The following RUNX1 variants were observed in gnomAD, a reference collection of about 807,000 sequenced individuals.
The protein encoded by RUNX1 is RUNX family transcription factor 1.
Under a neutral mutation model 42.8 loss-of-function variants are expected in RUNX1, and 19 were observed. The observed-to-expected ratio is 0.44, with a 90% confidence interval of 0.31 to 0.65. The LOEUF (loss-of-function observed/expected upper bound fraction) is 0.65, where lower values mean the gene tolerates loss of function less well. Ranked by LOEUF, RUNX1 falls within the 30% of genes least tolerant of loss-of-function variation. The pLI, the probability that RUNX1 is intolerant of heterozygous loss-of-function variation, is 0.07. For missense variants in RUNX1, 528 were observed against 672.0 expected, an observed-to-expected ratio of 0.79 and a Z score of 2.37; for synonymous variants, 271 against 289.4, an observed-to-expected ratio of 0.94 and a Z score of 0.64.
chr21:34,790,885 C>T lies in RUNX1; in HGVS notation c.*1250G>A, dbSNP rs1316853767. ...CTACACAGTTTACTTTGGCTGTGTT[C>T]TGTTACACAGCATCTGTGAAATTAT... On this transcript the variant is annotated 3_prime_UTR_variant, in exon 9 of 9. Transcript: ENST00000675419. 2 of 233,280 alleles carry T rather than the reference C, an allele frequency of 8.6e-6. No homozygotes were observed. Among genetic ancestry groups the T allele is most frequent in the African/African-American group, 2.2e-5 (1 of 45,354 alleles). 14.5% of individuals were successfully genotyped at this position (233,280 alleles called of 1,614,324 possible).
intron 7 of RUNX1, among the ~76,000 whole-genome samples, chr21:34,822,618 G>A (rs550007191): frequency 2.6e-5 from 4 of 152,278 alleles, no homozygotes; most frequent in African/African-American, 7.2e-5. Flanking sequence ...TCCACATAGC[G>A]GGTGATTTAC....
At position 34,920,933 on chromosome 21, in the gene RUNX1, A is replaced by T. The variant is rs145233547; in HGVS notation, c.59-27970T>A. Among the ~76,000 whole-genome samples the T allele has an allele frequency of 2.2e-3, 338 of 152,264 alleles. 2 individuals carry two copies. The highest frequency in any genetic ancestry group is 7.9e-3 in the African/African-American group (327 of 41,534). ...GAGTGCAGTGGCGTGATCTTGGCTC[A>T]CTGCAACTTGTGCCTTCCGGGTTCA... On this transcript the variant is annotated intron_variant, in intron 2 of 8. Coordinates refer to ENST00000675419, the MANE Select transcript of RUNX1 (RefSeq NM_001754.5).
chr21:34,993,782 CACACACACAG>C, intron 2 of RUNX1, among the ~76,000 whole-genome samples: 1 of 136,298 alleles, frequency 7.3e-6, no homozygotes, highest in African/African-American at 3.5e-5. Flanking sequence ...CACACAGACA[CACACACACAG>C]ACACACACAC....
chr21:35,015,550 G>T (rs1043280104), intron 2 of RUNX1, among the ~76,000 whole-genome samples: 2 of 152,174 alleles, frequency 1.3e-5, no homozygotes. Context: ...TGGAAGAGGT[G>T]GTGGCTGAGG....
intron 2 of RUNX1, among the ~76,000 whole-genome samples, chr21:34,984,416 GA>G (rs967118145): frequency 7.3e-6 from 1 of 137,198 alleles, no homozygotes; most frequent in African/African-American, 2.5e-5. Context: ...TATGAGGGCA[GA>G]AAAAAAACTA....
At chr21:34,942,346 C>T (rs1233054221) in intron 2 of RUNX1, among the ~76,000 whole-genome samples, 1 of 152,242 alleles carries the variant, frequency 6.6e-6, no homozygotes, top group African/African-American at 2.4e-5. Flanking sequence ...TGCCTGTACA[C>T]TGATGACTAT....
At chr21:34,976,366 T>C (rs2058802254) in intron 2 of RUNX1, among the ~76,000 whole-genome samples, 1 of 152,184 alleles carries the variant, frequency 6.6e-6, no homozygotes, top group Non-Finnish European at 1.5e-5. Context: ...AAAAATAAAA[T>C]TAAATTTAAA....
At chr21:34,911,827 T>C (rs145187290) in intron 2 of RUNX1, among the ~76,000 whole-genome samples, 1 of 152,140 alleles carries the variant, frequency 6.6e-6, no homozygotes, top group African/African-American at 2.4e-5. Context: ...CAGGACCTTT[T>C]CAGGGGCTTT....
chr21:34,953,161 T>C (rs1421111901), intron 2 of RUNX1, among the ~76,000 whole-genome samples: 2 of 152,044 alleles, frequency 1.3e-5, no homozygotes, highest in East Asian at 1.9e-4. Context: ...TTTACAGCAT[T>C]ATTATGCGTC....
At chr21:35,010,625 G>A (rs866641512) in intron 2 of RUNX1, among the ~76,000 whole-genome samples, 8 of 143,618 alleles carry the variant, frequency 5.6e-5, no homozygotes, top group East Asian at 2.0e-4. Flanking sequence ...ACACACACAC[G>A]CACACACACA....
intron 2 of RUNX1, among the ~76,000 whole-genome samples, chr21:34,897,232 C>A (rs1401245206): frequency 6.6e-5 from 10 of 152,170 alleles, no homozygotes; most frequent in Non-Finnish European, 1.3e-4. Flanking sequence ...TCGGCCCCCA[C>A]CTTTCAATTC....
Position 34,799,267 on chromosome 21 carries a change from T to A in RUNX1, c.967+34A>T, listed in dbSNP as rs367550425. The A allele has an allele frequency of 5.6e-6, 9 of 1,613,290 alleles. No homozygotes were observed. In the East Asian group the frequency reaches 6.7e-5, roughly 12 times the overall value. ...AGTCTCCTGGACCTTCCACCCCAGCTCAGCTGCAAAGAATGTGTTTTCAAG... is the reference window on the plus strand; with the variant it reads ...AGTCTCCTGGACCTTCCACCCCAGCACAGCTGCAAAGAATGTGTTTTCAAG... On this transcript the variant is annotated intron_variant, in intron 8 of 8. Coordinates refer to ENST00000675419, the MANE Select transcript of RUNX1 (RefSeq NM_001754.5).
chr21:34,888,842 A>T (rs1442722366), intron 3 of RUNX1, among the ~76,000 whole-genome samples: 1 of 151,620 alleles, frequency 6.6e-6, no homozygotes, highest in Non-Finnish European at 1.5e-5. Flanking sequence ...CGGCTCCTGG[A>T]ATTGGCCCGC....
rs954418040 is a variant in RUNX1, at chr21:34,889,572, G to C, written c.98-2476C>G. On this transcript the variant is annotated intron_variant, in intron 3 of 8. Transcript: ENST00000675419. ...TGTAGCGCCGGCACCCGCAGCAGCC[G>C]GACAGCCTGCCCGGGCCCCGCGTCT... The C allele has an allele frequency of 7.8e-6, 6 of 767,914 alleles. No individual in the cohort carries two copies. The Admixed American group carries it at 3.0e-4, about 39-fold the overall frequency. 47.6% of individuals were successfully genotyped at this position (767,914 alleles called of 1,614,324 possible).
intron 2 of RUNX1, among the ~76,000 whole-genome samples, chr21:34,947,549 CCT>C (rs2058572992): frequency 6.6e-6 from 1 of 152,160 alleles, no homozygotes; most frequent in Admixed American, 6.5e-5. Context: ...TAAGGAAGCC[CCT>C]GTCTTTTGTT....
chr21:35,046,883 T>C (rs1230786356), intron 2 of RUNX1, among the ~76,000 whole-genome samples: 3 of 151,946 alleles, frequency 2.0e-5, no homozygotes, highest in East Asian at 3.9e-4. Flanking sequence ...TGGTGCGAGC[T>C]CAGGCCCTCC....
chr21:34,792,680 C>G lies in RUNX1; in HGVS notation c.968-70G>C. ...GCGGAGGCCACAGCTCTTCCCTCTG[C>G]CCCAGGGGGCTACCCAGGATGATAC... On this transcript the variant is annotated intron_variant, in intron 8 of 8. Coordinates refer to ENST00000675419, the MANE Select transcript of RUNX1 (RefSeq NM_001754.5). The surrounding 1 kb of genome is among the most constrained non-coding windows in gnomAD (Gnocchi z 6.9). 2 of 1,391,000 alleles carry G rather than the reference C, an allele frequency of 1.4e-6. No individual in the cohort carries two copies. The highest frequency in any genetic ancestry group is 1.9e-6 in the Non-Finnish European group (2 of 1,026,122). 86.2% of individuals were successfully genotyped at this position (1,391,000 alleles called of 1,614,324 possible).
At chr21:34,801,255 C>T (rs184836301) in intron 7 of RUNX1, among the ~76,000 whole-genome samples, 129 of 152,126 alleles carry the variant, frequency 8.5e-4, no homozygotes, top group Middle Eastern at 3.4e-3. Context: ...TAAAGCCCCC[C>T]GGGGTGTGAA....
chr21:34,880,969 T>G (rs1259666378), intron 4 of RUNX1, among the ~76,000 whole-genome samples: 3 of 152,224 alleles, frequency 2.0e-5, no homozygotes, highest in Non-Finnish European at 4.4e-5. Context: ...GCAGTTACAT[T>G]TGCACCAACC....
Sources: gnomAD v4.1 joint callset for allele counts (sites outside exome capture counted in the v4.1 genomes callset) on GRCh38, gnomAD v4.1.1 for gene constraint, Gnocchi (gnomAD v3.1) non-coding constraint, MANE v1.5 for transcripts, NCBI Gene and HGNC (gene_info 2026-07-23, HGNC 2026-07-21) for gene names.